ACO2: variants seen among roughly 807,000 people sequenced by gnomAD.
ACO2 encodes the protein aconitate hydratase, mitochondrial.
ACO2 carries 31 observed loss-of-function variants against 84.5 expected under a neutral mutation model. That is an observed-to-expected ratio of 0.37 (90% CI 0.28 to 0.50). The LOEUF is 0.50. ACO2 is among the 20% of genes least tolerant of loss of function. The pLI, the probability that ACO2 is intolerant of heterozygous loss-of-function variation, is 0.97. For synonymous variants in ACO2, 414 were observed against 412.7 expected (o/e 1.00, Z -0.04); for missense variants, 685 against 1,029.3 (o/e 0.67, Z 4.58).
intron 1 of ACO2, among the ~76,000 whole-genome samples, chr22:41,499,368 T>C (rs910911337): frequency 6.6e-6 from 1 of 152,222 alleles, no homozygotes; most frequent in African/African-American, 2.4e-5. Context: ...TATGGTCTTA[T>C]TTAACCTTCC....
At chr22:41,489,886 A>G (rs1290858977) in intron 1 of ACO2, among the ~76,000 whole-genome samples, 1 of 152,012 alleles carries the variant, frequency 6.6e-6, no homozygotes, top group Non-Finnish European at 1.5e-5. Flanking sequence ...ATTTCAAAAA[A>G]CCAAAACGCT....
chr22:41,476,189 C>T (rs147660310), intron 1 of ACO2, among the ~76,000 whole-genome samples: 250 of 152,170 alleles, frequency 1.6e-3, no homozygotes, highest in African/African-American at 5.9e-3. Context: ...AGGTGGATCA[C>T]CTGAGGTCAG....
At chr22:41,507,250 G>A (rs1788928866) in intron 2 of ACO2, among the ~76,000 whole-genome samples, 1 of 152,118 alleles carries the variant, frequency 6.6e-6, no homozygotes, top group African/African-American at 2.4e-5. Flanking sequence ...TCCCAGGCCT[G>A]AGGTGTGGAG....
chr22:41,526,778 C>T (rs1459202707), intron 15 of ACO2: 4 of 346,528 alleles, frequency 1.2e-5, no homozygotes, highest in Non-Finnish European at 2.1e-5. Context: ...CTACACGGGG[C>T]CTCACAGTGA....
intron 14 of ACO2, 57 bp from the exon 15 acceptor site, chr22:41,526,205 T>C: frequency 6.6e-7 from 1 of 1,515,318 alleles, no homozygotes; most frequent in South Asian, 1.2e-5. Flanking sequence ...GGAGGGCTTG[T>C]CATCCACCCC....
chr22:41,518,925 G>A (rs6002396), intron 8 of ACO2, among the ~76,000 whole-genome samples: 8 of 152,198 alleles, frequency 5.3e-5, no homozygotes, highest in African/African-American at 1.9e-4. Flanking sequence ...CAGCCTGGGC[G>A]ACAGAGCGAC....
In ACO2 at chr22:41,515,330, T is replaced by G. The variant is rs2066467713; in HGVS notation, c.526-47T>G. The stretch of plus-strand genomic sequence containing the variant: ...GGGTCAGTGGGGCCATTTTTTGGTA[T>G]TCTCGGCTGAGGGCTTCTAAATATA... On this transcript the variant is annotated intron_variant, in intron 4 of 17. Coordinates refer to ENST00000216254, the MANE Select transcript of ACO2 (RefSeq NM_001098.3). This position sits in a 1 kb window ranked among gnomAD's most constrained non-coding sequence, Gnocchi z 5.8. 1 of 1,610,810 alleles carries G rather than the reference T, an allele frequency of 6.2e-7. No homozygotes were observed. The highest frequency in any genetic ancestry group is 8.5e-7 in the Non-Finnish European group (1 of 1,179,220).
At chr22:41,484,380 C>T (rs1423279551) in intron 1 of ACO2, among the ~76,000 whole-genome samples, 3 of 152,046 alleles carry the variant, frequency 2.0e-5, no homozygotes, top group Non-Finnish European at 2.9e-5. Flanking sequence ...TATTAGAGAC[C>T]CACAAGATAT....
rs373355832 is a variant in ACO2 at position 41,522,824 on chromosome 22, C to T, written c.1139-6C>T. On this transcript the variant is annotated splice_polypyrimidine_tract_variant and splice_region_variant and intron_variant, in intron 9 of 17. Coordinates refer to ENST00000216254, the MANE Select transcript of ACO2 (RefSeq NM_001098.3). ...ACCCTTAACCCCACCACCCACAATG[C>T]ACCAGGTCTAATTGGTAGCTGCACC... 21 of 1,613,944 alleles carry T rather than the reference C, an allele frequency of 1.3e-5. No individual in the cohort carries two copies. Among genetic ancestry groups the T allele is most frequent in the East Asian group, 4.5e-5 (2 of 44,898 alleles).
chr22:41,519,720 A>C (rs530002275), intron 8 of ACO2, among the ~76,000 whole-genome samples: 2 of 151,572 alleles, frequency 1.3e-5, no homozygotes, highest in South Asian at 4.2e-4. Flanking sequence ...AGGCAGAAGA[A>C]TGGTGTGAAC....
rs185258968 is a variant in ACO2 at position 41,485,426 on chromosome 22, C to G, written c.37-14300C>G. On this transcript the variant is annotated intron_variant, in intron 1 of 17. Coordinates refer to ENST00000216254, the MANE Select transcript of ACO2 (RefSeq NM_001098.3). ...TGGGATTACAGCATGCGCTACCATG[C>G]CCGGCTAATTTTTTTTTTTTTTTTT... Among the ~76,000 whole-genome samples, 510 of 148,748 alleles carry G rather than the reference C, an allele frequency of 3.4e-3. 1 individual carries two copies. The highest frequency in any genetic ancestry group is 0.012 in the African/African-American group (484 of 40,410).
chr22:41,517,349 C>T (rs1013347465), intron 6 of ACO2, 178 bp from the exon 7 acceptor site: 15 of 593,512 alleles, frequency 2.5e-5, no homozygotes, highest in African/African-American at 9.2e-5. Flanking sequence ...CTCCCCTCAC[C>T]GGCCCAGGTT....
chr22:41,500,256 G>A (rs1601901871), intron 2 of ACO2, among the ~76,000 whole-genome samples: 3 of 151,956 alleles, frequency 2.0e-5, no homozygotes, highest in Admixed American at 6.6e-5. Context: ...GAGAGCTCAG[G>A]TCTGAGACCC....
intron 1 of ACO2, among the ~76,000 whole-genome samples, chr22:41,486,884 T>C (rs1043463442): frequency 2.0e-5 from 3 of 151,332 alleles, no homozygotes; most frequent in Admixed American, 6.6e-5. Context: ...AAGCTGCTTT[T>C]CTTTTGTTTT....
intron 15 of ACO2, chr22:41,526,799 A>G: frequency 3.2e-6 from 1 of 314,968 alleles, no homozygotes; most frequent in East Asian, 6.1e-5. Flanking sequence ...GCAGGCAGAG[A>G]GGGTCTGAGG....
intron 14 of ACO2, chr22:41,525,680 C>G (rs934557565): frequency 5.0e-5 from 16 of 321,988 alleles, no homozygotes; most frequent in African/African-American, 3.4e-4. Flanking sequence ...GATTGCACAG[C>G]AGGCTCCACA....
At chr22:41,524,565 C>A (rs930963055) in intron 12 of ACO2, among the ~76,000 whole-genome samples, 1 of 152,258 alleles carries the variant, frequency 6.6e-6, no homozygotes, top group Non-Finnish European at 1.5e-5. Flanking sequence ...GCCCCCACTC[C>A]CTCCAGGATA....
At chr22:41,491,982 TAGA>T (rs1163715861) in intron 1 of ACO2, among the ~76,000 whole-genome samples, 2 of 152,284 alleles carry the variant, frequency 1.3e-5, no homozygotes, top group East Asian at 1.9e-4. Context: ...TAGCAGGATC[TAGA>T]AGAAGTGATC....
At chr22:41,528,085 G>C (rs1157777858) in intron 17 of ACO2, 63 bp downstream of exon 17, 4 of 1,608,266 alleles carry the variant, frequency 2.5e-6, no homozygotes, top group Non-Finnish European at 3.4e-6. Context: ...TTCCCCTCCT[G>C]CACTGGCCCC....
Sources: allele counts gnomAD v4.1 joint callset (sites outside exome capture counted in the v4.1 genomes callset), GRCh38; gene constraint gnomAD v4.1.1; non-coding constraint Gnocchi (gnomAD v3.1); transcripts MANE v1.5; gene names NCBI Gene and HGNC (gene_info 2026-07-23, HGNC 2026-07-21).